THADA: variants seen among roughly 807,000 people sequenced by gnomAD.
THADA encodes the protein tRNA (32-2'-O)-methyltransferase regulator THADA.
THADA carries 213 observed loss-of-function variants against 219.8 expected under a neutral mutation model. The observed-to-expected ratio is 0.97, with a 90% confidence interval of 0.87 to 1.09. THADA has a LOEUF of 1.09. THADA is among the 50% of genes least tolerant of loss of function. The pLI, the probability that THADA is intolerant of heterozygous loss-of-function variation, is 0.00. For missense variants in THADA, 2,956 were observed against 2,311.3 expected (o/e 1.28, Z -5.72); for synonymous variants, 1,018 against 828.9 (o/e 1.23, Z -3.92).
intron 27 of THADA, among the ~76,000 whole-genome samples, chr2:43,429,705 T>C (rs1678987118): frequency 6.6e-6 from 1 of 151,954 alleles, no homozygotes; most frequent in Non-Finnish European, 1.5e-5. Context: ...TCCTAGTTTC[T>C]GTACCACCGA....
At chr2:43,233,128 AAGC>A (rs1667635635) in intron 36 of THADA, 1 of 480,694 alleles carries the variant, frequency 2.1e-6, no homozygotes, top group East Asian at 3.2e-5. Context: ...GTGTGGACAG[AAGC>A]AGTTCCATCT....
intron 31 of THADA, among the ~76,000 whole-genome samples, chr2:43,295,927 T>G (rs986277118): frequency 1.3e-5 from 2 of 150,696 alleles, no homozygotes; most frequent in African/African-American, 2.4e-5. Context: ...TGTTTTTTTT[T>G]TTTTTTTTTT....
rs975861037 is a variant in THADA at position 43,561,642 on chromosome 2, C to G, written c.2312-1257G>C. ...ATTTTAATTTACAAGTTAGAACAAC[C>G]CTATGAAATTCCTAGAGCCGACACC... On this transcript the variant is annotated intron_variant, in intron 15 of 37. Coordinates refer to ENST00000405975, the MANE Select transcript of THADA (RefSeq NM_022065.5). Among the ~76,000 whole-genome samples the G allele has an allele frequency of 2.6e-5, 4 of 152,154 alleles. No individual in the cohort carries two copies. The South Asian group carries it at 8.3e-4, about 32-fold the overall frequency.
chr2:43,342,685 T>C (rs977183218), intron 30 of THADA, among the ~76,000 whole-genome samples: 1 of 152,268 alleles, frequency 6.6e-6, no homozygotes, highest in Non-Finnish European at 1.5e-5. Context: ...CTACAGACAT[T>C]TGTTATAATA....
At chr2:43,436,289 A>C (rs1450100952) in intron 26 of THADA, among the ~76,000 whole-genome samples, 4 of 152,180 alleles carry the variant, frequency 2.6e-5, no homozygotes, top group African/African-American at 9.7e-5. Context: ...GGAAGAGACT[A>C]TCTCAGACCC....
At chr2:43,511,142 A>G (rs1690386627) in intron 22 of THADA, among the ~76,000 whole-genome samples, 1 of 152,128 alleles carries the variant, frequency 6.6e-6, no homozygotes, top group South Asian at 2.1e-4. Flanking sequence ...ACCATGGGAA[A>G]GTTAAAACCA....
intron 24 of THADA, among the ~76,000 whole-genome samples, chr2:43,505,074 G>A (rs1347729523): frequency 6.6e-6 from 1 of 152,080 alleles, no homozygotes; most frequent in Non-Finnish European, 1.5e-5. Context: ...AGTAAAATAT[G>A]AACACCCCAA....
At chr2:43,499,357 T>C (rs1484333876) in intron 24 of THADA, among the ~76,000 whole-genome samples, 1 of 152,004 alleles carries the variant, frequency 6.6e-6, no homozygotes, top group Non-Finnish European at 1.5e-5. Flanking sequence ...TAAGAAACTT[T>C]AAAAAAAACT....
chr2:43,249,462 C>A (rs553355138), intron 36 of THADA, among the ~76,000 whole-genome samples: 1 of 152,184 alleles, frequency 6.6e-6, no homozygotes, highest in South Asian at 2.1e-4. Flanking sequence ...TCCCTGTGGT[C>A]AGGGTGACCT....
chr2:43,283,101 T>C (rs1376911848), intron 35 of THADA, among the ~76,000 whole-genome samples: 4 of 152,202 alleles, frequency 2.6e-5, no homozygotes, highest in Non-Finnish European at 5.9e-5. Flanking sequence ...TGTGTGGCAC[T>C]TCTCCCTGCT....
At chr2:43,385,240 A>C (rs1352460900) in intron 29 of THADA, among the ~76,000 whole-genome samples, 3 of 152,236 alleles carry the variant, frequency 2.0e-5, no homozygotes, top group Admixed American at 6.5e-5. Context: ...AAAATCAGTT[A>C]TAAAGCAGGA....
At chr2:43,501,158 T>C (rs1406599176) in intron 24 of THADA, among the ~76,000 whole-genome samples, 1 of 151,216 alleles carries the variant, frequency 6.6e-6, no homozygotes, top group Non-Finnish European at 1.5e-5. Flanking sequence ...ATAAAAAAAT[T>C]AGCTGGGCGT....
intron 31 of THADA, among the ~76,000 whole-genome samples, chr2:43,318,864 A>AT (rs1363242197): frequency 1.3e-5 from 2 of 152,226 alleles, no homozygotes; most frequent in East Asian, 1.9e-4. Flanking sequence ...TCAGTAAAGG[A>AT]TGGGTAGTTG....
chr2:43,311,748 A>G (rs1029031567), intron 31 of THADA, among the ~76,000 whole-genome samples: 3 of 152,286 alleles, frequency 2.0e-5, no homozygotes, highest in Non-Finnish European at 2.9e-5. Flanking sequence ...GAATCCACAC[A>G]TGAAAGGCCA....
At chr2:43,453,476 AT>A (rs1323972686) in intron 26 of THADA, among the ~76,000 whole-genome samples, 6 of 152,236 alleles carry the variant, frequency 3.9e-5, no homozygotes, top group Non-Finnish European at 5.9e-5. Flanking sequence ...CTAATCTGGA[AT>A]AAGTATAACT....
chr2:43,371,438 T>C (rs1382124832), intron 29 of THADA, among the ~76,000 whole-genome samples: 1 of 152,196 alleles, frequency 6.6e-6, no homozygotes, highest in East Asian at 1.9e-4. Flanking sequence ...ATGTTAATAG[T>C]AGATACTGAT....
intron 29 of THADA, among the ~76,000 whole-genome samples, chr2:43,381,081 C>T (rs1270491626): frequency 9.0e-6 from 1 of 111,020 alleles, no homozygotes; most frequent in Non-Finnish European, 1.7e-5. Flanking sequence ...CCGGGCGAGA[C>T]AGAGCGAGAC....
chr2:43,481,326 T>C (rs1686193404), intron 26 of THADA, among the ~76,000 whole-genome samples: 1 of 152,216 alleles, frequency 6.6e-6, no homozygotes, highest in African/African-American at 2.4e-5. Context: ...CATCCCATGA[T>C]TTTAGAAACA....
intron 32 of THADA, among the ~76,000 whole-genome samples, chr2:43,292,529 T>C (rs890035014): frequency 2.6e-5 from 4 of 152,194 alleles, no homozygotes; most frequent in Non-Finnish European, 5.9e-5. Flanking sequence ...AGACTACCTC[T>C]GACACACTCT....
Sources: allele counts gnomAD v4.1 joint callset (sites outside exome capture counted in the v4.1 genomes callset), GRCh38; gene constraint gnomAD v4.1.1; transcripts MANE v1.5; gene names NCBI Gene and HGNC (gene_info 2026-07-23, HGNC 2026-07-21).